Variants in CCND2 observed in about 807,000 individuals in gnomAD.
CCND2 encodes G1/S-specific cyclin-D2.
A neutral mutation model predicts 30.2 loss-of-function variants in CCND2; 6 were observed. The ratio of observed to expected loss-of-function variants is 0.20; its 90% confidence interval spans 0.11 to 0.39. CCND2 has a LOEUF of 0.39. Among genes scored for constraint, CCND2 ranks in the 10% least tolerant of loss-of-function variants. The pLI, the probability that CCND2 is intolerant of heterozygous loss-of-function variation, is 1.00. For missense variants in CCND2, 235 were observed against 373.4 expected, an observed-to-expected ratio of 0.63 and a Z score of 3.06; for synonymous variants, 150 against 153.1, an observed-to-expected ratio of 0.98 and a Z score of 0.15.
chr12:4,284,790 G>A (rs1361655937), intron 3 of CCND2, among the ~76,000 whole-genome samples: 1 of 142,616 alleles, frequency 7.0e-6, no homozygotes, highest in East Asian at 2.1e-4. Flanking sequence ...AGGCTGGAGT[G>A]CATGGCACAA....
rs982715360 is a variant in CCND2, at chr12:4,304,387, C to G, written c.*4378C>G. On this transcript the variant is annotated 3_prime_UTR_variant, in exon 5 of 5. Coordinates refer to ENST00000261254, the MANE Select transcript of CCND2 (RefSeq NM_001759.4). This position sits in a 1 kb window ranked among gnomAD's most constrained non-coding sequence, Gnocchi z 6.2. ...ATAAAGTCCCCTTAAGCCAACAAAC[C>G]CTCTGTAGCTATAGAATGAGTGCAG... The G allele has an allele frequency of 4.3e-6, 1 of 233,548 alleles. No homozygotes were observed. The highest frequency in any genetic ancestry group is 6.0e-5 in the East Asian group (1 of 16,578). 14.5% of individuals were successfully genotyped at this position (233,548 alleles called of 1,614,324 possible). A position where few individuals can be genotyped will look rare whatever the true frequency, so the allele number is the denominator to read the frequency against.
intron 3 of CCND2, among the ~76,000 whole-genome samples, chr12:4,284,811 C>G (rs1292933479): frequency 6.7e-6 from 1 of 149,970 alleles, no homozygotes; most frequent in Admixed American, 6.7e-5. Context: ...TCTCTGCTCA[C>G]TGCAACCTCC....
chr12:4,301,096 G>A lies in CCND2; in HGVS notation c.*1087G>A, dbSNP rs1864242809. 8.6e-6 allele frequency: 2 copies of A among 232,760 alleles called. No individual in the cohort carries two copies. Among genetic ancestry groups the A allele is most frequent in the South Asian group, 1.8e-4 (1 of 5,496 alleles). 14.4% of individuals were successfully genotyped at this position (232,760 alleles called of 1,614,324 possible). A position where few individuals can be genotyped will look rare whatever the true frequency, so the allele number is the denominator to read the frequency against. Reference sequence around the variant, plus strand: ...CTGCCCCCAGTCTGGGTTACTCTTCGCTTCTGGTATCTGGCGTTCTTTGGT... The same window carrying A: ...CTGCCCCCAGTCTGGGTTACTCTTCACTTCTGGTATCTGGCGTTCTTTGGT... On this transcript the variant is annotated 3_prime_UTR_variant, in exon 5 of 5. Coordinates refer to ENST00000261254, the MANE Select transcript of CCND2 (RefSeq NM_001759.4).
intron 4 of CCND2, among the ~76,000 whole-genome samples, chr12:4,289,826 G>C (rs992221358): frequency 1.3e-5 from 2 of 152,186 alleles, no homozygotes; most frequent in African/African-American, 2.4e-5. Flanking sequence ...AGCCAGGAGC[G>C]GGGTGGGCAG....
At chr12:4,283,047 C>T (rs975719639) in intron 3 of CCND2, among the ~76,000 whole-genome samples, 2 of 152,224 alleles carry the variant, frequency 1.3e-5, no homozygotes, top group South Asian at 2.1e-4. Flanking sequence ...CCCAAGACCT[C>T]GGCCACCATA....
rs1208547767 is a variant in CCND2 at position 4,305,257 on chromosome 12, A to G, written c.*5248A>G. 8.6e-6 allele frequency: 2 copies of G among 232,094 alleles called. No individual in the cohort carries two copies. Among genetic ancestry groups the G allele is most frequent in the East Asian group, 6.1e-5 (1 of 16,346 alleles). The allele number at this position is 232,094 out of a possible 1,614,324, so 14.4% of individuals were successfully genotyped here. ...CAGTGTTAAGTGATTTAAAAAAATA[A>G]TAACCTGTTTTCTGACTAGTTTAAA... is the stretch of plus-strand genomic sequence containing the variant. On this transcript the variant is annotated 3_prime_UTR_variant, in exon 5 of 5. Coordinates refer to ENST00000261254, the MANE Select transcript of CCND2 (RefSeq NM_001759.4). The surrounding 1 kb of genome is among the most constrained non-coding windows in gnomAD (Gnocchi z 6.4).
chr12:4,275,305 ACCC>A (rs1863853208), intron 1 of CCND2: 1 of 152,080 alleles, frequency 6.6e-6, no homozygotes, highest in Non-Finnish European at 1.5e-5. Context: ...CCTTTCTGGC[ACCC>A]GAAACCTCTG....
intron 4 of CCND2, chr12:4,297,773 G>C: frequency 2.4e-6 from 1 of 423,394 alleles, no homozygotes; most frequent in South Asian, 1.7e-5. Flanking sequence ...AGGTCGGACA[G>C]GGTAAGGGTA....
At chr12:4,288,703 G>C (rs1864056254) in intron 3 of CCND2, 139 bp from the exon 4 acceptor site, 1 of 706,838 alleles carries the variant, frequency 1.4e-6, no homozygotes, top group Admixed American at 2.7e-5. Context: ...AAGAACTCGA[G>C]GGAGGACATG....
At chr12:4,290,087 A>C (rs1864077585) in intron 4 of CCND2, among the ~76,000 whole-genome samples, 1 of 151,994 alleles carries the variant, frequency 6.6e-6, no homozygotes, top group African/African-American at 2.4e-5. Flanking sequence ...GCTTTTATTG[A>C]GTTAAGGGAT....
Position 4,282,271 on chromosome 12 carries a change from CTCTT to C in CCND2, c.571+3357_571+3360del, listed in dbSNP as rs1192634547. ...CTCCCTCTCCAGGCACCCACATCCC[CTCTT>C]TCTTCACTAGAAGCCCACCCTAAGA... On this transcript the variant is annotated intron_variant, in intron 3 of 4. Coordinates refer to ENST00000261254, the MANE Select transcript of CCND2 (RefSeq NM_001759.4). The surrounding 1 kb of genome is among the most constrained non-coding windows in gnomAD (Gnocchi z 4.3). Among the ~76,000 whole-genome samples, 10 of 152,140 alleles carry C rather than the reference CTCTT, an allele frequency of 6.6e-5. No homozygotes were observed. The highest frequency in any genetic ancestry group is 1.3e-4 in the Non-Finnish European group (9 of 68,012).
At chr12:4,294,673 G>T (rs1864143667) in intron 4 of CCND2, among the ~76,000 whole-genome samples, 1 of 152,176 alleles carries the variant, frequency 6.6e-6, no homozygotes, top group Non-Finnish European at 1.5e-5. Flanking sequence ...TGAGCTTTCA[G>T]CCAGATGTCA....
chr12:4,273,787 G>A lies in CCND2; in HGVS notation c.-254G>A. On this transcript the variant is annotated 5_prime_UTR_variant, in exon 1 of 5. Transcript: ENST00000261254. This position sits in a 1 kb window ranked among gnomAD's most constrained non-coding sequence, Gnocchi z 5.9. The stretch of plus-strand genomic sequence containing the variant: ...AGAGCGGAGAAGAGCGAGCAGGGGA[G>A]AGCGAGACCAGTTTTAAGGGGAGGA... 2 of 561,446 alleles carry A rather than the reference G, an allele frequency of 3.6e-6. No homozygotes were observed. Among genetic ancestry groups the A allele is most frequent in the Non-Finnish European group, 6.3e-6 (2 of 316,260 alleles). 34.8% of individuals were successfully genotyped at this position (561,446 alleles called of 1,614,324 possible). A position where few individuals can be genotyped will look rare whatever the true frequency, so the allele number is the denominator to read the frequency against.
At chr12:4,281,357 T>C (rs911481265) in intron 3 of CCND2, among the ~76,000 whole-genome samples, 1 of 152,206 alleles carries the variant, frequency 6.6e-6, no homozygotes, top group Non-Finnish European at 1.5e-5. Context: ...GCCGCTTTTC[T>C]TGAAGGAAAC....
At position 4,274,172 on chromosome 12, in the gene CCND2, C is replaced by T. The variant is rs1863827798; in HGVS notation, c.132C>T (p.Phe44=). The change falls in exon 1 of 5, where the codon TTC becomes TTT. Residue 44 remains phenylalanine (F), a synonymous_variant. Transcript: ENST00000261254. This position sits in a 1 kb window ranked among gnomAD's most constrained non-coding sequence, Gnocchi z 7.7. The stretch of plus-strand genomic sequence containing the variant: ...GCTACCTTCCGCAGTGCTCCTACTT[C>T]AAGTGCGTGCAGAAGGACATCCAAC... ...EERYLPQCSY[F]KCVQKDIQPY... is the part of the protein sequence containing the mutation. 6.2e-7 allele frequency: 1 copy of T among 1,614,008 alleles called. No homozygotes were observed. The highest frequency in any genetic ancestry group is 8.5e-7 in the Non-Finnish European group (1 of 1,179,990).
At chr12:4,281,301 T>A (rs1479086487) in intron 3 of CCND2, among the ~76,000 whole-genome samples, 2 of 152,206 alleles carry the variant, frequency 1.3e-5, no homozygotes, top group East Asian at 3.9e-4. Context: ...GAATCCTGGC[T>A]GCGTGGAGTT....
At chr12:4,284,799 A>G (rs1456406175) in intron 3 of CCND2, among the ~76,000 whole-genome samples, 6 of 146,840 alleles carry the variant, frequency 4.1e-5, no homozygotes, top group Non-Finnish European at 8.9e-5. Flanking sequence ...TGCATGGCAC[A>G]ATCTCTGCTC....
intron 3 of CCND2, among the ~76,000 whole-genome samples, chr12:4,286,492 G>T (rs189722935): frequency 2.0e-3 from 299 of 152,340 alleles, no homozygotes; most frequent in African/African-American, 6.9e-3. Flanking sequence ...CTTCTGTGTA[G>T]CGGGCAACAG....
Position 4,274,402 on chromosome 12 carries a change from C to T in CCND2, c.195+167C>T, listed in dbSNP as rs1298681935. ...CGAGACGCGTGGCTTTATTTCTGTT[C>T]CTCTCCAGATAAACTGGGGAGGCAG... On this transcript the variant is annotated intron_variant, in intron 1 of 4. Coordinates refer to ENST00000261254, the MANE Select transcript of CCND2 (RefSeq NM_001759.4). This position sits in a 1 kb window ranked among gnomAD's most constrained non-coding sequence, Gnocchi z 7.7. 1.3e-5 allele frequency among the ~76,000 whole-genome samples: 2 copies of T among 152,168 alleles called. No individual in the cohort carries two copies. Among genetic ancestry groups the T allele is most frequent in the Non-Finnish European group, 2.9e-5 (2 of 68,020 alleles).
Sources: gnomAD v4.1 joint callset for allele counts (sites outside exome capture counted in the v4.1 genomes callset) on GRCh38, gnomAD v4.1.1 for gene constraint, Gnocchi (gnomAD v3.1) non-coding constraint, MANE v1.5 for transcripts, NCBI Gene and HGNC (gene_info 2026-07-23, HGNC 2026-07-21) for gene names.